SMOC1: variants seen among roughly 807,000 people sequenced by gnomAD.
The protein encoded by SMOC1 is SPARC related modular calcium binding 1.
SMOC1 carries 22 observed loss-of-function variants against 56.3 expected under a neutral mutation model. That is an observed-to-expected ratio of 0.39 (90% CI 0.28 to 0.56). The LOEUF (loss-of-function observed/expected upper bound fraction) is 0.56, where lower values mean the gene tolerates loss of function less well. SMOC1 is among the 20% of genes least tolerant of loss of function. SMOC1 has a pLI of 0.61. For synonymous variants in SMOC1, 193 were observed against 215.0 expected (o/e 0.90, Z 0.89); for missense variants, 509 against 565.4 (o/e 0.90, Z 1.01).
intron 1 of SMOC1, among the ~76,000 whole-genome samples, chr14:69,949,983 G>T (rs1183493791): frequency 1.3e-5 from 2 of 152,156 alleles, no homozygotes; most frequent in Non-Finnish European, 2.9e-5. Context: ...GGAGGCAGTG[G>T]GCTTCTCTGG....
At chr14:69,940,664 A>G (rs996877267) in intron 1 of SMOC1, among the ~76,000 whole-genome samples, 3 of 152,196 alleles carry the variant, frequency 2.0e-5, no homozygotes, top group Admixed American at 6.5e-5. Context: ...GTCCTCTCTT[A>G]TAATCCATGA....
At chr14:70,028,513 C>T (rs903685292) in intron 11 of SMOC1, among the ~76,000 whole-genome samples, 4 of 152,200 alleles carry the variant, frequency 2.6e-5, no homozygotes, top group Non-Finnish European at 5.9e-5. Context: ...CAAATAAAGT[C>T]GCTCTGAGGA....
intron 1 of SMOC1, among the ~76,000 whole-genome samples, chr14:69,910,312 G>A (rs1395575444): frequency 6.6e-6 from 1 of 152,214 alleles, no homozygotes; most frequent in Non-Finnish European, 1.5e-5. Context: ...ATCTGAGTCT[G>A]TCTAGTTGCA....
intron 1 of SMOC1, among the ~76,000 whole-genome samples, chr14:69,913,310 T>A (rs778902934): frequency 2.2e-4 from 34 of 152,210 alleles, no homozygotes; most frequent in Non-Finnish European, 4.6e-4. Flanking sequence ...CTTATACATG[T>A]GAATTATGTA....
chr14:69,883,267 A>C (rs560878426), intron 1 of SMOC1, among the ~76,000 whole-genome samples: 5 of 151,552 alleles, frequency 3.3e-5, no homozygotes, highest in Admixed American at 2.6e-4. Context: ...CCTTTGACCA[A>C]CCTCTCTCCT....
intron 3 of SMOC1, among the ~76,000 whole-genome samples, chr14:69,954,221 C>G (rs118117222): frequency 0.032 from 4,879 of 152,166 alleles, 107 homozygotes; most frequent in Non-Finnish European, 0.047. Context: ...GGTCTCACTC[C>G]AGGCTGGAGA....
intron 1 of SMOC1, among the ~76,000 whole-genome samples, chr14:69,907,280 C>G (rs1181945794): frequency 6.6e-6 from 1 of 152,192 alleles, no homozygotes; most frequent in Non-Finnish European, 1.5e-5. Context: ...TAGTTAACTT[C>G]ACTGTCTATT....
chr14:69,942,939 A>G (rs547985159), intron 1 of SMOC1, among the ~76,000 whole-genome samples: 6 of 151,990 alleles, frequency 3.9e-5, no homozygotes, highest in African/African-American at 1.4e-4. Flanking sequence ...CTGCCTTCCT[A>G]CACAGTGGCA....
intron 1 of SMOC1, among the ~76,000 whole-genome samples, chr14:69,942,083 C>CCAG: frequency 6.6e-6 from 1 of 152,264 alleles, no homozygotes; most frequent in Middle Eastern, 3.4e-3. Flanking sequence ...GTGACCATCT[C>CCAG]ACATCTTGGA....
At chr14:69,986,697 C>T (rs1884377374) in intron 5 of SMOC1, among the ~76,000 whole-genome samples, 1 of 152,208 alleles carries the variant, frequency 6.6e-6, no homozygotes, top group Non-Finnish European at 1.5e-5. Flanking sequence ...CCGGTGCTTC[C>T]TCTTCCTCTT....
intron 8 of SMOC1, 27 bp from the exon 9 acceptor site, chr14:70,011,458 A>AAC: frequency 8.7e-7 from 1 of 1,151,792 alleles, no homozygotes; most frequent in Admixed American, 2.0e-5. Flanking sequence ...GCCCCTCCCA[A>AAC]CCCCCCCCAT....
chr14:70,000,532 A>G (rs1276975169), intron 7 of SMOC1, among the ~76,000 whole-genome samples: 1 of 152,244 alleles, frequency 6.6e-6, no homozygotes, highest in Non-Finnish European at 1.5e-5. Flanking sequence ...TAATGCCATG[A>G]GTCAATAGAG....
intron 1 of SMOC1, among the ~76,000 whole-genome samples, chr14:69,914,644 G>C (rs2139353637): frequency 6.6e-6 from 1 of 152,308 alleles, no homozygotes; most frequent in East Asian, 1.9e-4. Context: ...CCATTATCAT[G>C]CGAGAAGATG....
intron 1 of SMOC1, among the ~76,000 whole-genome samples, chr14:69,933,633 G>A (rs1377039093): frequency 3.3e-5 from 5 of 151,996 alleles, no homozygotes; most frequent in South Asian, 4.2e-4. Flanking sequence ...GGGTTCAAGC[G>A]ATTCTCATGT....
In SMOC1 at chr14:69,899,957, G is replaced by A. The variant is rs144674436; in HGVS notation, c.99+20180G>A. On this transcript the variant is annotated intron_variant, in intron 1 of 11. Transcript: ENST00000361956. ...GGGGCAGTGGTTTGCCATGTGAAATGAGAATTGTTGATTTTCAGTTTGTTC... is the reference window on the plus strand; with the variant it reads ...GGGGCAGTGGTTTGCCATGTGAAATAAGAATTGTTGATTTTCAGTTTGTTC... Among the ~76,000 whole-genome samples, 582 of 152,320 alleles carry A rather than the reference G, an allele frequency of 3.8e-3. 21 individuals carry two copies. The highest frequency in any genetic ancestry group is 0.034 in the Admixed American group (518 of 15,302).
intron 7 of SMOC1, among the ~76,000 whole-genome samples, chr14:69,998,097 C>A (rs1171446414): frequency 6.6e-6 from 1 of 152,216 alleles, no homozygotes. Flanking sequence ...CATATGCCTA[C>A]AGACTCTCCT....
At chr14:69,946,238 A>G (rs1453464292) in intron 1 of SMOC1, among the ~76,000 whole-genome samples, 2 of 152,186 alleles carry the variant, frequency 1.3e-5, no homozygotes, top group African/African-American at 4.8e-5. Flanking sequence ...CTAGTCTAAA[A>G]TTGATTTCAT....
At chr14:69,905,567 G>C (rs1884385676) in intron 1 of SMOC1, among the ~76,000 whole-genome samples, 1 of 152,190 alleles carries the variant, frequency 6.6e-6, no homozygotes, top group Non-Finnish European at 1.5e-5. Flanking sequence ...TGGAGGGGGT[G>C]CAAGACTCCA....
chr14:69,889,445 C>G (rs1883901575), intron 1 of SMOC1, among the ~76,000 whole-genome samples: 1 of 152,188 alleles, frequency 6.6e-6, no homozygotes. Flanking sequence ...CCCAGCCAAC[C>G]AGGAGCAGCC....
Sources: gnomAD v4.1 joint callset for allele counts (sites outside exome capture counted in the v4.1 genomes callset) on GRCh38, gnomAD v4.1.1 for gene constraint, MANE v1.5 for transcripts, NCBI Gene and HGNC (gene_info 2026-07-23, HGNC 2026-07-21) for gene names.